Variants in MED13L observed in about 807,000 individuals in gnomAD.
MED13L encodes the protein mediator of RNA polymerase II transcription subunit 13-like.
Under a neutral mutation model 220.9 loss-of-function variants are expected in MED13L, and 7 were observed. That is an observed-to-expected ratio of 0.03 (90% CI 0.02 to 0.06). MED13L has a LOEUF of 0.06. Among genes scored for constraint, MED13L ranks in the 10% least tolerant of loss-of-function variants. MED13L has a pLI of 1.00. For synonymous variants in MED13L, 1,011 were observed against 1,015.2 expected (o/e 1.00, Z 0.08); for missense variants, 1,965 against 2,760.5 (o/e 0.71, Z 6.46).
At chr12:116,084,259 T>G (rs1348830192) in intron 4 of MED13L, among the ~76,000 whole-genome samples, 1 of 152,204 alleles carries the variant, frequency 6.6e-6, no homozygotes, top group Non-Finnish European at 1.5e-5. Context: ...CTTACCTTTT[T>G]GAACCTACAA....
At chr12:116,062,008 GAAA>G (rs71095507) in intron 4 of MED13L, among the ~76,000 whole-genome samples, 16 of 96,590 alleles carry the variant, frequency 1.7e-4, no homozygotes, top group East Asian at 6.4e-4. Flanking sequence ...ACTCCACATC[GAAA>G]AAAAAAAAAA....
At chr12:115,970,519 G>A (rs1490963510) in intron 27 of MED13L, 75 bp downstream of exon 27, 33 of 1,490,666 alleles carry the variant, frequency 2.2e-5, no homozygotes, top group South Asian at 3.4e-5. Flanking sequence ...AAAGCCATGC[G>A]GCAGCCCAGT....
rs1878842526 is a variant in MED13L at position 116,003,063 on chromosome 12, C to A, written c.2509G>T (p.Val837Phe). 8.1e-6 allele frequency: 13 copies of A among 1,614,160 alleles called. No homozygotes were observed. The highest frequency in any genetic ancestry group is 1.0e-5 in the Non-Finnish European group (12 of 1,179,984). Residue 837 changes from valine (V) to phenylalanine (F), a missense_variant, in exon 14 of 31, where the codon GTT becomes TTT. By Grantham distance (50) the Val-to-Phe change is conservative (BLOSUM62 -1). Transcript: ENST00000281928. ...CCAAGAGGTCGGTCTTCTGTCCCAA[C>A]TGCAGGCATTTTTGATGAGCGCAGA... ...PALRSSKMPA[V>F]GTEDRPLGKD...
chr12:115,990,139 A>T (rs1437560138), intron 17 of MED13L, among the ~76,000 whole-genome samples: 3 of 152,162 alleles, frequency 2.0e-5, no homozygotes, highest in Non-Finnish European at 4.4e-5. Context: ...TCCCACTTGC[A>T]GCACCTCCTG....
intron 2 of MED13L, among the ~76,000 whole-genome samples, chr12:116,183,448 T>C (rs1269448276): frequency 2.0e-5 from 3 of 152,186 alleles, no homozygotes; most frequent in Non-Finnish European, 4.4e-5. Context: ...ATAAAACATA[T>C]CAAAGTAAAA....
In MED13L at chr12:115,991,642, G is replaced by T; in HGVS notation, c.3312C>A (p.Pro1104=). 6.2e-7 allele frequency: 1 copy of T among 1,614,064 alleles called. No homozygotes were observed. The highest frequency in any genetic ancestry group is 8.5e-7 in the Non-Finnish European group (1 of 1,180,012). The part of the protein sequence containing the change: ...SVEPATMQPI[P]EAHSLYVTLI... ...GGGTAACATAGAGGCTGTGGGCTTC[G>T]GGAATTGGCTGCATGGTGGCGGGCT... The change falls in exon 17 of 31, where the codon CCC becomes CCA. Residue 1104 remains proline (P), a synonymous_variant. Coordinates refer to ENST00000281928, the MANE Select transcript of MED13L (RefSeq NM_015335.5). This position sits in a 1 kb window ranked among gnomAD's most constrained non-coding sequence, Gnocchi z 7.7.
intron 2 of MED13L, among the ~76,000 whole-genome samples, chr12:116,116,564 T>C (rs1874539114): frequency 6.6e-6 from 1 of 152,102 alleles, no homozygotes; most frequent in Admixed American, 6.5e-5. Context: ...TGAGCCATTC[T>C]AGCAAATTAA....
At chr12:116,123,583 C>T (rs1000911737) in intron 2 of MED13L, among the ~76,000 whole-genome samples, 5 of 152,126 alleles carry the variant, frequency 3.3e-5, no homozygotes, top group African/African-American at 1.2e-4. Flanking sequence ...TGCACACACA[C>T]GTGCACACAG....
rs984974206 is a variant in MED13L, at chr12:116,147,720, C to T, written c.311-36208G>A. ...TAATTTTTCTACCTTACAAGAAGAA[C>T]GGTTGGGTATTTACACTTTTTACAA... On this transcript the variant is annotated intron_variant, in intron 2 of 30. Coordinates refer to ENST00000281928, the MANE Select transcript of MED13L (RefSeq NM_015335.5). Among the ~76,000 whole-genome samples, 4 of 152,070 alleles carry T rather than the reference C, an allele frequency of 2.6e-5. 1 individual carries two copies. In the East Asian group the frequency reaches 5.8e-4, roughly 22 times the overall value.
chr12:116,182,901 C>T (rs1211698408), intron 2 of MED13L, among the ~76,000 whole-genome samples: 2 of 152,186 alleles, frequency 1.3e-5, no homozygotes, highest in Non-Finnish European at 2.9e-5. Context: ...ATGTGCTACA[C>T]AAAGGTATGC....
At chr12:115,977,445 C>T (rs538928390) in intron 23 of MED13L, among the ~76,000 whole-genome samples, 3 of 152,316 alleles carry the variant, frequency 2.0e-5, no homozygotes, top group African/African-American at 7.2e-5. Context: ...CCAGAAACTG[C>T]ACTCTTAGGT....
At chr12:116,187,671 A>C (rs1880984436) in intron 2 of MED13L, among the ~76,000 whole-genome samples, 1 of 152,164 alleles carries the variant, frequency 6.6e-6, no homozygotes, top group East Asian at 1.9e-4. Flanking sequence ...TGCTAATCAT[A>C]GGGGATGTAT....
intron 2 of MED13L, among the ~76,000 whole-genome samples, chr12:116,139,584 A>G (rs943300185): frequency 6.6e-6 from 1 of 152,216 alleles, no homozygotes; most frequent in Non-Finnish European, 1.5e-5. Context: ...ATTATAAAAA[A>G]TATTTTCCCA....
chr12:116,006,110 T>A, intron 12 of MED13L, 117 bp from the exon 13 acceptor site: 1 of 1,443,468 alleles, frequency 6.9e-7, no homozygotes, highest in Non-Finnish European at 9.6e-7. Context: ...CCTATGGTTT[T>A]AGTTAAATTT....
chr12:115,992,636 C>T (rs1017807640), intron 16 of MED13L, among the ~76,000 whole-genome samples: 3 of 152,152 alleles, frequency 2.0e-5, no homozygotes, highest in Non-Finnish European at 1.5e-5. Context: ...ATTACATATG[C>T]GGCTAAGAGG....
chr12:116,224,770 G>A (rs746781456), intron 2 of MED13L, among the ~76,000 whole-genome samples: 2 of 152,066 alleles, frequency 1.3e-5, no homozygotes, highest in African/African-American at 4.8e-5. Context: ...CTTGACCTCC[G>A]AAGCCTAGCT....
intron 23 of MED13L, among the ~76,000 whole-genome samples, chr12:115,978,992 T>C (rs780179415): frequency 6.6e-6 from 1 of 152,178 alleles, no homozygotes; most frequent in Non-Finnish European, 1.5e-5. Flanking sequence ...CACCCCTGCA[T>C]CCTTAGCACC....
chr12:116,022,516 T>G lies in MED13L; in HGVS notation c.565A>C (p.Ile189Leu), dbSNP rs1477471791. The G allele has an allele frequency of 1.9e-6, 3 of 1,613,584 alleles. No homozygotes were observed. The African/African-American group carries it at 4.0e-5, about 22-fold the overall frequency. ...ATATGCTCCTCATTGATCAAATAAA[T>G]TGGCTGGTGCTGGGCAATCTCCACA... Reference protein sequence around the residue: ...TSVEIAQHQPIYLINEEHIHM... With the variant: ...TSVEIAQHQPLYLINEEHIHM... Residue 189 changes from isoleucine (I) to leucine (L), a missense_variant, in exon 5 of 31, where the codon ATT (isoleucine) becomes CTT (leucine). Ile to Leu is a conservative substitution (Grantham distance 5, BLOSUM62 2). Coordinates refer to ENST00000281928, the MANE Select transcript of MED13L (RefSeq NM_015335.5).
Position 115,980,924 on chromosome 12 carries a change from C to G in MED13L, c.5190G>C (p.Gln1730His). 1 of 1,611,556 alleles carries G rather than the reference C, an allele frequency of 6.2e-7. No homozygotes were observed. The change falls in exon 23 of 31, where the codon CAG (glutamine) becomes CAC (histidine). Residue 1730 changes from glutamine (Q) to histidine (H), a missense_variant. Gln to His is a conservative substitution (Grantham distance 24). This residue lies in a region of MED13L where 510 missense variants were observed against 620.4 expected (regional missense o/e 0.82). Transcript: ENST00000281928. ...CATCCTTCATTGTCTGCAGCATGTA[C>G]TGGCAAGGCACAATCTAAAGACACA... ...NSFILQIVPC[Q>H]YMLQTMKDEQ...
Sources: allele counts gnomAD v4.1 joint callset (sites outside exome capture counted in the v4.1 genomes callset), GRCh38; gene constraint gnomAD v4.1.1; regional missense constraint gnomAD v4.1.1; non-coding constraint Gnocchi (gnomAD v3.1); transcripts MANE v1.5; gene names NCBI Gene and HGNC (gene_info 2026-07-23, HGNC 2026-07-21).